The following RIPK1 variants were observed in gnomAD, a reference collection of about 807,000 sequenced individuals.
RIPK1 encodes the protein receptor interacting serine/threonine kinase 1.
Under a neutral mutation model 62.4 loss-of-function variants are expected in RIPK1, and 27 were observed. That is an observed-to-expected ratio of 0.43 (90% CI 0.32 to 0.60). The LOEUF is 0.60. RIPK1 is among the 20% of genes least tolerant of loss of function. The probability of loss-of-function intolerance (pLI) is 0.07; values close to 1 mark genes in which losing one functional copy is unlikely to be tolerated. For missense variants in RIPK1, 735 were observed against 831.0 expected, an observed-to-expected ratio of 0.88 and a Z score of 1.42; for synonymous variants, 287 against 303.2, an observed-to-expected ratio of 0.95 and a Z score of 0.55.
At chr6:3,096,550 GTTTTTTTTTTTTT>G (rs112979664) in intron 7 of RIPK1, among the ~76,000 whole-genome samples, 1 of 98,450 alleles carries the variant, frequency 1.0e-5, no homozygotes, top group South Asian at 3.6e-4. Flanking sequence ...AATATCTCAA[GTTTTTTTTTTTTT>G]TTTTTTTTTT....
rs112979664 is a variant in RIPK1, at chr6:3,096,550, G to GTTT, written c.915+6918_915+6920dup. On this transcript the variant is annotated intron_variant, in intron 7 of 10. Transcript: ENST00000259808. The stretch of plus-strand genomic sequence containing the variant: ...AATGCAATCTCAACCAATATCTCAA[G>GTTT]TTTTTTTTTTTTTTTTTTTTTTTTT... Among the ~76,000 whole-genome samples the GTTT allele has an allele frequency of 6.1e-4, 60 of 98,466 alleles. 3 individuals are homozygous for GTTT. The highest frequency in any genetic ancestry group is 4.7e-3 in the South Asian group (13 of 2,766). 64.6% of individuals were successfully genotyped at this position (98,466 alleles called of 152,430 possible).
upstream of RIPK1, among the ~76,000 whole-genome samples, chr6:3,064,508 G>C (rs1322355114): frequency 1.1e-4 from 17 of 152,274 alleles, no homozygotes; most frequent in Non-Finnish European, 2.2e-4. Context: ...AAACGGATGG[G>C]GCCCTTCCTT....
In RIPK1 at chr6:3,083,140, A is replaced by T. The variant is rs1384807970; in HGVS notation, c.515A>T (p.Glu172Val). The T allele has an allele frequency of 6.2e-7, 1 of 1,614,042 alleles. No homozygotes were observed. Among genetic ancestry groups the T allele is most frequent in the Admixed American group, 1.7e-5 (1 of 60,022 alleles). Residue 172 changes from glutamate to valine, a missense_variant, in exon 5 of 11, where the codon GAG (glutamate) becomes GTG (valine). By Grantham distance (121) the Glu-to-Val change is moderately radical (BLOSUM62 -2). This residue lies in a region of RIPK1 where 671 missense variants were observed against 726.2 expected (regional missense o/e 0.92). Transcript: ENST00000259808. ...FKMWSKLNNE[E>V]HNELREVDGT... ...ATGTGGAGCAAACTGAATAATGAAG[A>T]GCACAATGAGCTGAGGGAAGTGGAC...
At chr6:3,108,865 T>C (rs543267100) in intron 9 of RIPK1, among the ~76,000 whole-genome samples, 30 of 152,290 alleles carry the variant, frequency 2.0e-4, no homozygotes, top group Admixed American at 3.9e-4. Context: ...TTTCCTTGGC[T>C]TCCTCAGAGA....
chr6:3,076,537 G>A (rs1477026011), intron 1 of RIPK1, among the ~76,000 whole-genome samples: 2 of 151,400 alleles, frequency 1.3e-5, no homozygotes, highest in Admixed American at 6.6e-5. Flanking sequence ...AAATCAGCTG[G>A]TCACGGTGGG....
At chr6:3,078,407 G>A (rs1000412588) in intron 3 of RIPK1, among the ~76,000 whole-genome samples, 1 of 152,162 alleles carries the variant, frequency 6.6e-6, no homozygotes, top group Non-Finnish European at 1.5e-5. Flanking sequence ...GCCTTTTACT[G>A]CCCTGAGAGT....
At chr6:3,079,858 A>G (rs1759284937) in intron 3 of RIPK1, among the ~76,000 whole-genome samples, 1 of 152,230 alleles carries the variant, frequency 6.6e-6, no homozygotes, top group East Asian at 1.9e-4. Context: ...TCCAAGTACT[A>G]ACCAGGCCCA....
At position 3,068,607 on chromosome 6, in the gene RIPK1, G is replaced by A. The variant is rs1001362878; in HGVS notation, c.-115G>A. ...GCCAGAGCGCGGCCATCCGGGCGGGGCCGACGGAGCGCGGCAGGACTTGGC... is the reference window on the plus strand; with the variant it reads ...GCCAGAGCGCGGCCATCCGGGCGGGACCGACGGAGCGCGGCAGGACTTGGC... On this transcript the variant is annotated 5_prime_UTR_variant, in exon 1 of 11. Transcript: ENST00000259808. 2.0e-6 allele frequency: 2 copies of A among 985,276 alleles called. No homozygotes were observed. The highest frequency in any genetic ancestry group is 2.4e-6 in the Non-Finnish European group (2 of 829,916). The allele number at this position is 985,276 out of a possible 1,614,324, so 61.0% of individuals were successfully genotyped here.
chr6:3,066,057 G>A (rs1384030898), upstream of RIPK1, among the ~76,000 whole-genome samples: 5 of 152,046 alleles, frequency 3.3e-5, no homozygotes, highest in Admixed American at 6.5e-5. Context: ...TTTTTGAGAC[G>A]GAGTCTGGCT....
chr6:3,094,030 G>A (rs1396160473), intron 7 of RIPK1, among the ~76,000 whole-genome samples: 1 of 138,834 alleles, frequency 7.2e-6, no homozygotes, highest in Non-Finnish European at 1.5e-5. Flanking sequence ...CCTACCTGCC[G>A]CACCTAGTAA....
At chr6:3,112,976 G>GT (rs906494223) in intron 10 of RIPK1, 77 bp from the exon 11 acceptor site, 6 of 1,311,238 alleles carry the variant, frequency 4.6e-6, no homozygotes, top group African/African-American at 3.0e-5. Flanking sequence ...TTTCACTTGG[G>GT]TTTTTTAGCA....
At position 3,072,973 on chromosome 6, in the gene RIPK1, C is replaced by T. The variant is rs1200012048; in HGVS notation, c.-60-3791C>T. Among the ~76,000 whole-genome samples the T allele has an allele frequency of 6.6e-6, 1 of 152,104 alleles. No homozygotes were observed. Among genetic ancestry groups the T allele is most frequent in the Non-Finnish European group, 1.5e-5 (1 of 68,004 alleles). On this transcript the variant is annotated intron_variant, in intron 1 of 10. Coordinates refer to ENST00000259808, the MANE Select transcript of RIPK1 (RefSeq NM_001354930.2). This position sits in a 1 kb window ranked among gnomAD's most constrained non-coding sequence, Gnocchi z 5.6. ...GTAGGGCCCTGCTGACAGAGTGATC[C>T]CAGCTGAGAATGTTGGCATTCTCAA...
chr6:3,085,885 C>T (rs1255662683), intron 6 of RIPK1, among the ~76,000 whole-genome samples: 1 of 152,210 alleles, frequency 6.6e-6, no homozygotes, highest in African/African-American at 2.4e-5. Flanking sequence ...GCATGATGTC[C>T]TCGAGGTTCA....
At chr6:3,095,049 C>G (rs535769046) in intron 7 of RIPK1, among the ~76,000 whole-genome samples, 2 of 151,674 alleles carry the variant, frequency 1.3e-5, no homozygotes, top group South Asian at 2.1e-4. Context: ...CAGAGTGAGA[C>G]CCTACTTCTG....
At chr6:3,094,785 T>G (rs1267157461) in intron 7 of RIPK1, among the ~76,000 whole-genome samples, 1 of 152,042 alleles carries the variant, frequency 6.6e-6, no homozygotes, top group Non-Finnish European at 1.5e-5. Flanking sequence ...TAATTAAGAC[T>G]GATAGAGCCA....
chr6:3,065,361 C>G (rs1453115925), upstream of RIPK1, among the ~76,000 whole-genome samples: 5 of 150,882 alleles, frequency 3.3e-5, no homozygotes, highest in Admixed American at 2.6e-4. Flanking sequence ...GTTCATTGTC[C>G]AAGGCTCTCC....
At chr6:3,085,704 C>T (rs752249716) in intron 6 of RIPK1, among the ~76,000 whole-genome samples, 4 of 152,190 alleles carry the variant, frequency 2.6e-5, no homozygotes, top group Non-Finnish European at 5.9e-5. Flanking sequence ...GTGCACTGTT[C>T]AGGGGCAGTA....
At chr6:3,085,635 C>T (rs1331063268) in intron 6 of RIPK1, among the ~76,000 whole-genome samples, 2 of 152,146 alleles carry the variant, frequency 1.3e-5, no homozygotes, top group Non-Finnish European at 2.9e-5. Flanking sequence ...TTGTAATTAA[C>T]TTTTTAACTT....
chr6:3,099,786 C>T (rs986139017), intron 7 of RIPK1, among the ~76,000 whole-genome samples: 3 of 152,072 alleles, frequency 2.0e-5, no homozygotes, highest in Admixed American at 6.6e-5. Flanking sequence ...GTAAGAGTGG[C>T]GAAGTTTATT....
Sources: gnomAD v4.1 joint callset for allele counts (sites outside exome capture counted in the v4.1 genomes callset) on GRCh38, gnomAD v4.1.1 for gene constraint, gnomAD v4.1.1 regional missense constraint, Gnocchi (gnomAD v3.1) non-coding constraint, MANE v1.5 for transcripts, NCBI Gene and HGNC (gene_info 2026-07-23, HGNC 2026-07-21) for gene names.